TRAF3: variants seen among roughly 807,000 people sequenced by gnomAD.
The protein encoded by TRAF3 is TNF receptor associated factor 3.
A neutral mutation model predicts 62.3 loss-of-function variants in TRAF3; 13 were observed. That is an observed-to-expected ratio of 0.21 (90% CI 0.14 to 0.33). The LOEUF is 0.33. TRAF3 is among the 10% of genes least tolerant of loss of function. The pLI, the probability that TRAF3 is intolerant of heterozygous loss-of-function variation, is 1.00. For missense variants in TRAF3, 440 were observed against 741.8 expected, an observed-to-expected ratio of 0.59 and a Z score of 4.73; for synonymous variants, 269 against 283.4, an observed-to-expected ratio of 0.95 and a Z score of 0.51.
chr14:102,884,137 A>C lies in TRAF3; in HGVS notation c.571-2052A>C, dbSNP rs1889227786. Among the ~76,000 whole-genome samples the C allele has an allele frequency of 2.0e-5, 3 of 152,198 alleles. No individual in the cohort carries two copies. The South Asian group carries it at 6.2e-4, about 32-fold the overall frequency. Reference sequence around the variant, plus strand: ...ACCAAGGCCCTGCTGTCTCTTGACAACTGTAGGGAAGGCTTCCCTGCCCCT... The same window carrying C: ...ACCAAGGCCCTGCTGTCTCTTGACACCTGTAGGGAAGGCTTCCCTGCCCCT... On this transcript the variant is annotated intron_variant, in intron 6 of 11. Coordinates refer to ENST00000392745, the MANE Select transcript of TRAF3 (RefSeq NM_145725.3).
chr14:102,880,371 A>G (rs1419818465), intron 6 of TRAF3, among the ~76,000 whole-genome samples: 2 of 152,252 alleles, frequency 1.3e-5, no homozygotes, highest in African/African-American at 4.8e-5. Flanking sequence ...ACACATGCCT[A>G]ATTAACAAGA....
chr14:102,782,972 T>G (rs1343362582), intron 1 of TRAF3, among the ~76,000 whole-genome samples: 2 of 152,256 alleles, frequency 1.3e-5, no homozygotes, highest in Admixed American at 1.3e-4. Context: ...CCAGGAGTCA[T>G]GAGAATTGTA....
chr14:102,853,843 A>AC (rs1269627350), intron 2 of TRAF3, among the ~76,000 whole-genome samples: 1 of 151,762 alleles, frequency 6.6e-6, no homozygotes, highest in Non-Finnish European at 1.5e-5. Flanking sequence ...CGTCTAAAAA[A>AC]AAAAAAAAAA....
intron 2 of TRAF3, among the ~76,000 whole-genome samples, chr14:102,856,714 G>T (rs1255239346): frequency 6.6e-6 from 1 of 152,068 alleles, no homozygotes; most frequent in Non-Finnish European, 1.5e-5. Flanking sequence ...AGACACCCCT[G>T]ACATGTTTCC....
At chr14:102,873,348 G>T (rs1040381327) in intron 4 of TRAF3, among the ~76,000 whole-genome samples, 10 of 152,282 alleles carry the variant, frequency 6.6e-5, no homozygotes, top group Admixed American at 3.3e-4. Context: ...AGTGAAAACA[G>T]CCCCTCCCCT....
At chr14:102,875,362 C>T (rs575587475) in intron 4 of TRAF3, among the ~76,000 whole-genome samples, 1 of 152,096 alleles carries the variant, frequency 6.6e-6, no homozygotes, top group Middle Eastern at 3.2e-3. Flanking sequence ...CCAGAGTGAT[C>T]GTTAATTATC....
In TRAF3 at chr14:102,907,834, C is replaced by G. The variant is rs1013727240; in HGVS notation, c.*2050C>G. The stretch of plus-strand genomic sequence containing the variant: ...CTTATCTGCCTTTCCTTTCCCCGCT[C>G]TCCTGGGATTACTTTGGGGGAATGA... On this transcript the variant is annotated 3_prime_UTR_variant, in exon 12 of 12. Coordinates refer to ENST00000392745, the MANE Select transcript of TRAF3 (RefSeq NM_145725.3). 4 of 152,536 alleles carry G rather than the reference C, an allele frequency of 2.6e-5. No homozygotes were observed. The highest frequency in any genetic ancestry group is 9.6e-5 in the African/African-American group (4 of 41,598). The allele number at this position is 152,536 out of a possible 1,614,324, so 9.4% of individuals were successfully genotyped here.
chr14:102,817,240 G>A (rs1899593087), intron 1 of TRAF3, among the ~76,000 whole-genome samples: 1 of 152,176 alleles, frequency 6.6e-6, no homozygotes, highest in Non-Finnish European at 1.5e-5. Context: ...TGAGCATCAA[G>A]CAGGATGGGT....
chr14:102,780,110 G>A (rs957679262), intron 1 of TRAF3, among the ~76,000 whole-genome samples: 1 of 152,134 alleles, frequency 6.6e-6, no homozygotes, highest in African/African-American at 2.4e-5. Context: ...GAGGCCAGAG[G>A]ATTTGGAAGG....
chr14:102,779,120 C>T (rs1897163514), intron 1 of TRAF3, among the ~76,000 whole-genome samples: 1 of 152,182 alleles, frequency 6.6e-6, no homozygotes, highest in Non-Finnish European at 1.5e-5. Context: ...GAAACCCTGA[C>T]AGACCTTGGA....
intron 2 of TRAF3, among the ~76,000 whole-genome samples, chr14:102,847,497 C>G (rs959318263): frequency 2.0e-5 from 3 of 152,100 alleles, no homozygotes; most frequent in African/African-American, 4.8e-5. Context: ...TTTAAAAGCT[C>G]TAAAAATTTT....
chr14:102,836,534 G>A (rs1490152042), intron 2 of TRAF3, among the ~76,000 whole-genome samples: 4 of 152,142 alleles, frequency 2.6e-5, no homozygotes, highest in Non-Finnish European at 5.9e-5. Context: ...TTATTTGAAA[G>A]GCCGCTTAGA....
intron 7 of TRAF3, among the ~76,000 whole-genome samples, chr14:102,888,407 C>G (rs757144492): frequency 1.3e-5 from 2 of 152,212 alleles, no homozygotes; most frequent in African/African-American, 4.8e-5. Flanking sequence ...ATGGGCCCCT[C>G]AGTCCCTTCC....
At chr14:102,794,340 A>G (rs141659320) in intron 1 of TRAF3, among the ~76,000 whole-genome samples, 29 of 152,232 alleles carry the variant, frequency 1.9e-4, no homozygotes, top group African/African-American at 6.3e-4. Flanking sequence ...TTGCATGGCT[A>G]ATTTCTTAGT....
At chr14:102,864,797 C>T (rs947258455) in intron 2 of TRAF3, among the ~76,000 whole-genome samples, 2 of 152,206 alleles carry the variant, frequency 1.3e-5, no homozygotes, top group Admixed American at 1.3e-4. Context: ...TGCCCTCTCT[C>T]TGTTACGTCA....
chr14:102,884,948 C>T (rs1280688250), intron 6 of TRAF3, among the ~76,000 whole-genome samples: 1 of 152,132 alleles, frequency 6.6e-6, no homozygotes, highest in Non-Finnish European at 1.5e-5. Flanking sequence ...GATGTGGAAA[C>T]GTGCATCCCC....
chr14:102,888,864 A>G (rs1427864382), intron 7 of TRAF3, among the ~76,000 whole-genome samples: 1 of 152,214 alleles, frequency 6.6e-6, no homozygotes, highest in Non-Finnish European at 1.5e-5. Flanking sequence ...TTTATTTGAT[A>G]ACTCACCAGC....
rs894408064 is a variant in TRAF3 at position 102,908,947 on chromosome 14, A to G, written c.*3163A>G. 6.6e-6 allele frequency: 1 copy of G among 152,340 alleles called. No individual in the cohort carries two copies. Among genetic ancestry groups the G allele is most frequent in the Non-Finnish European group, 1.5e-5 (1 of 68,140 alleles). The allele number at this position is 152,340 out of a possible 1,614,324, so 9.4% of individuals were successfully genotyped here. ...CGTGCAAGCCGCAGCCGGGCCTGGA[A>G]GCCTGACCCTCTGGTTCTAGGGCTT... On this transcript the variant is annotated 3_prime_UTR_variant, in exon 12 of 12. Transcript: ENST00000392745.
intron 10 of TRAF3, among the ~76,000 whole-genome samples, chr14:102,902,836 C>G (rs1890371407): frequency 6.6e-6 from 1 of 152,158 alleles, no homozygotes; most frequent in Non-Finnish European, 1.5e-5. Context: ...GCAGGCGGCA[C>G]CAGTGCCACT....
Sources: allele counts gnomAD v4.1 joint callset (sites outside exome capture counted in the v4.1 genomes callset), GRCh38; gene constraint gnomAD v4.1.1; transcripts MANE v1.5; gene names NCBI Gene and HGNC (gene_info 2026-07-23, HGNC 2026-07-21).